TENM3: variants seen among roughly 807,000 people sequenced by gnomAD.
The protein encoded by TENM3 is teneurin transmembrane protein 3, also known as teneurin-3.
TENM3 carries 63 observed loss-of-function variants against 255.1 expected under a neutral mutation model. The observed-to-expected ratio is 0.25, with a 90% CI of 0.20 to 0.30. The LOEUF is 0.30. Among genes scored for constraint, TENM3 ranks in the 10% least tolerant of loss-of-function variants. The pLI, the probability that TENM3 is intolerant of heterozygous loss-of-function variation, is 1.00. For synonymous variants in TENM3, 1,306 were observed against 1,322.3 expected, an observed-to-expected ratio of 0.99 and a Z score of 0.27; for missense variants, 2,929 against 3,461.1, an observed-to-expected ratio of 0.85 and a Z score of 3.86.
At chr4:181,959,663 T>C in the TENM3 span, among the ~76,000 whole-genome samples, 1 of 152,198 alleles carries the variant, frequency 6.6e-6, no homozygotes, top group Non-Finnish European at 1.5e-5. Context: ...GGGGACATCT[T>C]ACATACCAAC....
intron 3 of TENM3, among the ~76,000 whole-genome samples, chr4:182,387,773 T>A (rs1264363312): frequency 2.7e-5 from 4 of 150,398 alleles, no homozygotes; most frequent in Non-Finnish European, 5.9e-5. Flanking sequence ...AGGAAAAAAC[T>A]CCGAACACAT....
chr4:182,069,504 C>A, the TENM3 span, among the ~76,000 whole-genome samples: 1 of 152,074 alleles, frequency 6.6e-6, no homozygotes, highest in African/African-American at 2.4e-5. Flanking sequence ...CCTTGTTGGG[C>A]CCCTCAACTA....
At chr4:181,613,123 A>G in the TENM3 span, among the ~76,000 whole-genome samples, 9 of 152,336 alleles carry the variant, frequency 5.9e-5, no homozygotes, top group Admixed American at 5.2e-4. Context: ...ATGCTGTTCT[A>G]CTGAGGACCT....
the TENM3 span, among the ~76,000 whole-genome samples, chr4:181,574,983 G>A: frequency 3.9e-5 from 6 of 152,022 alleles, no homozygotes; most frequent in Admixed American, 3.9e-4. Context: ...TTTTTGCATC[G>A]AATGGAATTT....
chr4:181,933,835 A>C, the TENM3 span, among the ~76,000 whole-genome samples: 1 of 152,202 alleles, frequency 6.6e-6, no homozygotes, highest in African/African-American at 2.4e-5. Flanking sequence ...GTAGAATTGA[A>C]TAGTTAGTTG....
the TENM3 span, among the ~76,000 whole-genome samples, chr4:181,504,276 G>A: frequency 6.6e-6 from 1 of 152,144 alleles, no homozygotes; most frequent in East Asian, 1.9e-4. Flanking sequence ...ATGAGCCTCC[G>A]CGTAAGCCAC....
the TENM3 span, among the ~76,000 whole-genome samples, chr4:181,458,079 A>G: frequency 1.3e-5 from 2 of 151,960 alleles, no homozygotes; most frequent in South Asian, 2.1e-4. Flanking sequence ...AGTAATTCCT[A>G]TTGTACCGCA....
the TENM3 span, among the ~76,000 whole-genome samples, chr4:181,615,238 C>T: frequency 1.3e-5 from 2 of 152,138 alleles, no homozygotes; most frequent in Non-Finnish European, 2.9e-5. Flanking sequence ...TTCTAAATAG[C>T]AGCTCTCTAC....
At chr4:181,574,093 A>G in the TENM3 span, among the ~76,000 whole-genome samples, 1 of 152,224 alleles carries the variant, frequency 6.6e-6, no homozygotes, top group Non-Finnish European at 1.5e-5. Flanking sequence ...TGTGAAATAC[A>G]CAGTGAGCAG....
chr4:181,674,519 G>A, the TENM3 span, among the ~76,000 whole-genome samples: 1 of 152,104 alleles, frequency 6.6e-6, no homozygotes. Flanking sequence ...TTATTAAGCT[G>A]CTATGCATTG....
At position 182,802,083 on chromosome 4, in the gene TENM3, T is replaced by C. The variant is rs1767015463; in HGVS notation, c.*1732T>C. On this transcript the variant is annotated 3_prime_UTR_variant, in exon 28 of 28. Transcript: ENST00000511685. ...AAAATAATTTTCTAACTGCTTTGTA[T>C]GTATCACATACTCTAAATTGCACAG... The C allele has an allele frequency of 6.6e-6, 1 of 152,458 alleles. No homozygotes were observed. Among genetic ancestry groups the C allele is most frequent in the African/African-American group, 2.4e-5 (1 of 41,452 alleles). The allele number at this position is 152,458 out of a possible 1,614,324, so 9.4% of individuals were successfully genotyped here.
At chr4:181,615,259 TTGATTTG>T in the TENM3 span, among the ~76,000 whole-genome samples, 1 of 152,162 alleles carries the variant, frequency 6.6e-6, no homozygotes, top group Non-Finnish European at 1.5e-5. Context: ...TGTATTCTGA[TTGATTTG>T]TGACTGGTTA....
At chr4:182,169,170 G>C (rs1751934668) in intron 1 of TENM3, 1 of 439,686 alleles carries the variant, frequency 2.3e-6, no homozygotes, top group Non-Finnish European at 4.6e-6. Flanking sequence ...TGTGGTTCTT[G>C]AAAATTAATG....
the TENM3 span, among the ~76,000 whole-genome samples, chr4:181,463,133 T>TA: frequency 1.1e-4 from 17 of 152,170 alleles, no homozygotes; most frequent in Non-Finnish European, 1.6e-4. Flanking sequence ...CCACCATTTA[T>TA]AAAAAACAAC....
the TENM3 span, among the ~76,000 whole-genome samples, chr4:182,083,326 A>G: frequency 6.6e-6 from 1 of 152,210 alleles, no homozygotes; most frequent in African/African-American, 2.4e-5. Context: ...GAATCTTTAT[A>G]TTGAATATTA....
chr4:181,928,318 G>T, the TENM3 span, among the ~76,000 whole-genome samples: 5 of 151,970 alleles, frequency 3.3e-5, 1 homozygote, highest in South Asian at 1.0e-3. Flanking sequence ...AGAATAACCA[G>T]TTTAGAGAAG....
intron 3 of TENM3, among the ~76,000 whole-genome samples, chr4:182,564,687 C>A (rs1350037267): frequency 1.3e-5 from 2 of 151,724 alleles, no homozygotes; most frequent in Non-Finnish European, 2.9e-5. Context: ...GCTAAAGTGC[C>A]CTATTGTTAC....
At chr4:182,047,290 G>A in the TENM3 span, among the ~76,000 whole-genome samples, 26 of 152,168 alleles carry the variant, frequency 1.7e-4, no homozygotes, top group African/African-American at 5.5e-4. Flanking sequence ...TAGGCTGGAC[G>A]CAGTGGCTCA....
the TENM3 span, among the ~76,000 whole-genome samples, chr4:181,726,785 C>T: frequency 6.6e-6 from 1 of 152,118 alleles, no homozygotes; most frequent in Non-Finnish European, 1.5e-5. Context: ...AAGATCACCC[C>T]CCACTTCCAA....
Sources: gnomAD v4.1 joint callset for allele counts (sites outside exome capture counted in the v4.1 genomes callset) on GRCh38, gnomAD v4.1.1 for gene constraint, MANE v1.5 for transcripts, NCBI Gene and HGNC (gene_info 2026-07-23, HGNC 2026-07-21) for gene names.